Variants in CDYL2 observed in about 807,000 individuals in gnomAD.
CDYL2 encodes the protein chromodomain Y like 2, also known as chromodomain Y-like protein 2.
CDYL2 carries 23 observed loss-of-function variants against 49.4 expected under a neutral mutation model. The ratio of observed to expected loss-of-function variants is 0.47; its 90% CI spans 0.34 to 0.66. The LOEUF (loss-of-function observed/expected upper bound fraction) is 0.66, where lower values mean the gene tolerates loss of function less well. CDYL2 is among the 30% of genes least tolerant of loss of function. The pLI is 0.01. For synonymous variants in CDYL2, 360 were observed against 268.8 expected, an observed-to-expected ratio of 1.34 and a Z score of -3.32; for missense variants, 678 against 656.4, an observed-to-expected ratio of 1.03 and a Z score of -0.36.
At chr16:80,683,245 G>T (rs1910041112) in intron 2 of CDYL2, among the ~76,000 whole-genome samples, 1 of 152,222 alleles carries the variant, frequency 6.6e-6, no homozygotes, top group South Asian at 2.1e-4. Context: ...CCACACTCCT[G>T]TAAGATTTCT....
chr16:80,769,613 G>C (rs904885222), intron 1 of CDYL2, among the ~76,000 whole-genome samples: 1 of 152,164 alleles, frequency 6.6e-6, no homozygotes, highest in Non-Finnish European at 1.5e-5. Flanking sequence ...ATGTCAACAG[G>C]AAGTACAAAC....
At chr16:80,793,212 C>A (rs1335393836) in intron 1 of CDYL2, among the ~76,000 whole-genome samples, 1 of 152,162 alleles carries the variant, frequency 6.6e-6, no homozygotes, top group Non-Finnish European at 1.5e-5. Context: ...GTGCAAATGG[C>A]AGAAGCAAAT....
chr16:80,776,742 A>T (rs1044994094), intron 1 of CDYL2, among the ~76,000 whole-genome samples: 4 of 151,946 alleles, frequency 2.6e-5, no homozygotes, highest in African/African-American at 9.7e-5. Context: ...ATATAATGGG[A>T]TTCTGATTTC....
At chr16:80,616,050 C>T (rs111583971) in intron 4 of CDYL2, among the ~76,000 whole-genome samples, 6 of 152,340 alleles carry the variant, frequency 3.9e-5, no homozygotes, top group African/African-American at 9.6e-5. Flanking sequence ...CACACAGCTT[C>T]CTCTGCTCTA....
chr16:80,740,965 G>A (rs896972540), intron 1 of CDYL2, among the ~76,000 whole-genome samples: 11 of 151,474 alleles, frequency 7.3e-5, no homozygotes, highest in African/African-American at 2.7e-4. Context: ...ACCCCATCTG[G>A]ATTTTTTAAA....
chr16:80,696,461 A>G (rs1424660730), intron 1 of CDYL2, among the ~76,000 whole-genome samples: 2 of 152,072 alleles, frequency 1.3e-5, no homozygotes, highest in Non-Finnish European at 1.5e-5. Context: ...TCAACAAACC[A>G]TTAGCTAGAC....
intron 2 of CDYL2, among the ~76,000 whole-genome samples, chr16:80,634,798 TA>T (rs1351035517): frequency 2.6e-5 from 4 of 151,768 alleles, no homozygotes; most frequent in African/African-American, 4.8e-5. Context: ...AATAGGGCTA[TA>T]AAAAAAAGAA....
chr16:80,652,616 G>T (rs891070466), intron 2 of CDYL2, among the ~76,000 whole-genome samples: 3 of 152,128 alleles, frequency 2.0e-5, no homozygotes, highest in Non-Finnish European at 4.4e-5. Context: ...AGGGGGAGGC[G>T]AAGTAACCCT....
intron 1 of CDYL2, among the ~76,000 whole-genome samples, chr16:80,758,449 T>C (rs1214245560): frequency 6.6e-6 from 1 of 151,998 alleles, no homozygotes. Context: ...ATCCCAAATG[T>C]GTACAACACT....
intron 1 of CDYL2, among the ~76,000 whole-genome samples, chr16:80,706,631 T>A (rs1345516308): frequency 6.6e-6 from 1 of 152,118 alleles, no homozygotes; most frequent in East Asian, 1.9e-4. Context: ...CATCCCCTCC[T>A]CCTGCACAAA....
At chr16:80,771,947 A>AGG in intron 1 of CDYL2, among the ~76,000 whole-genome samples, 1 of 152,300 alleles carries the variant, frequency 6.6e-6, no homozygotes, top group South Asian at 2.1e-4. Flanking sequence ...ACTGCATATG[A>AGG]GGGGAACACC....
At chr16:80,681,556 C>T (rs1909968141) in intron 2 of CDYL2, among the ~76,000 whole-genome samples, 1 of 152,202 alleles carries the variant, frequency 6.6e-6, no homozygotes, top group Non-Finnish European at 1.5e-5. Context: ...TCAACACTCT[C>T]CTTCTCTCTC....
At chr16:80,701,265 A>C (rs1483269922) in intron 1 of CDYL2, among the ~76,000 whole-genome samples, 1 of 152,238 alleles carries the variant, frequency 6.6e-6, no homozygotes, top group Non-Finnish European at 1.5e-5. Flanking sequence ...GCAAATATAT[A>C]AAGGTCTGGA....
At position 80,734,728 on chromosome 16, in the gene CDYL2, A is replaced by T. The variant is rs1905455840; in HGVS notation, c.25-49599T>A. Among the ~76,000 whole-genome samples, 3 of 152,158 alleles carry T rather than the reference A, an allele frequency of 2.0e-5. No individual in the cohort carries two copies. In the South Asian group the frequency reaches 6.2e-4, roughly 32 times the overall value. On this transcript the variant is annotated intron_variant, in intron 1 of 6. Transcript: ENST00000570137. ...CAGATATACCTGCTTAAGCTTAGGA[A>T]TGCATTCTAGGAAATGCAGGTGTTG...
chr16:80,618,910 G>C (rs1308344788), intron 4 of CDYL2, among the ~76,000 whole-genome samples: 1 of 152,202 alleles, frequency 6.6e-6, no homozygotes, highest in Non-Finnish European at 1.5e-5. Context: ...GGCTGTATTA[G>C]TTTCCCAGGG....
At chr16:80,746,380 T>C (rs1473799368) in intron 1 of CDYL2, among the ~76,000 whole-genome samples, 6 of 152,212 alleles carry the variant, frequency 3.9e-5, no homozygotes, top group Non-Finnish European at 7.3e-5. Context: ...AAGGCTTCTT[T>C]AGACAAGCTC....
chr16:80,716,816 T>C (rs946810698), intron 1 of CDYL2, among the ~76,000 whole-genome samples: 3 of 151,018 alleles, frequency 2.0e-5, no homozygotes, highest in African/African-American at 7.3e-5. Flanking sequence ...ACTGAATGAA[T>C]GGCTGAATAG....
At chr16:80,629,792 C>T (rs772360496) in intron 3 of CDYL2, among the ~76,000 whole-genome samples, 5 of 152,202 alleles carry the variant, frequency 3.3e-5, no homozygotes, top group Non-Finnish European at 5.9e-5. Flanking sequence ...TGAAAGTGGT[C>T]GCCTTCTGGT....
intron 3 of CDYL2, among the ~76,000 whole-genome samples, chr16:80,625,895 A>G (rs1907277339): frequency 6.6e-6 from 1 of 152,196 alleles, no homozygotes; most frequent in South Asian, 2.1e-4. Flanking sequence ...ATTTTCAGTC[A>G]AAGAATGTTT....
Sources: gnomAD v4.1 joint callset for allele counts (sites outside exome capture counted in the v4.1 genomes callset) on GRCh38, gnomAD v4.1.1 for gene constraint, MANE v1.5 for transcripts, NCBI Gene and HGNC (gene_info 2026-07-23, HGNC 2026-07-21) for gene names.